The following LRRC8B variants were observed in gnomAD, a reference collection of about 807,000 sequenced individuals.
LRRC8B encodes the protein volume-regulated anion channel subunit LRRC8B.
Under a neutral mutation model 58.8 loss-of-function variants are expected in LRRC8B, and 23 were observed. The observed-to-expected ratio is 0.39, with a 90% CI of 0.28 to 0.55. The LOEUF (loss-of-function observed/expected upper bound fraction) is 0.55. Among genes scored for constraint, LRRC8B ranks in the 20% least tolerant of loss-of-function variants. LRRC8B has a pLI of 0.62. For missense variants in LRRC8B, 694 were observed against 936.0 expected (o/e 0.74, Z 3.37); for synonymous variants, 359 against 374.1 (o/e 0.96, Z 0.47).
At chr1:89,550,628 A>G (rs116352118) in intron 1 of LRRC8B, among the ~76,000 whole-genome samples, 3,198 of 152,324 alleles carry the variant, frequency 0.021, 106 homozygotes, top group African/African-American at 0.073. Context: ...TTCACCAGTT[A>G]GCTCCTTGGT....
chr1:89,591,611 G>A (rs1465924262), intron 5 of LRRC8B, among the ~76,000 whole-genome samples: 1 of 152,132 alleles, frequency 6.6e-6, no homozygotes, highest in Non-Finnish European at 1.5e-5. Context: ...TAGGAGAATG[G>A]AGTTTACAAC....
chr1:89,530,388 T>TAAAC (rs1650038747), intron 1 of LRRC8B, among the ~76,000 whole-genome samples: 1 of 150,594 alleles, frequency 6.6e-6, no homozygotes, highest in Non-Finnish European at 1.5e-5. Context: ...AAATAATAAA[T>TAAAC]AAATAAATAA....
At chr1:89,535,636 C>G (rs1393639621) in intron 1 of LRRC8B, among the ~76,000 whole-genome samples, 1 of 152,140 alleles carries the variant, frequency 6.6e-6, no homozygotes, top group Non-Finnish European at 1.5e-5. Flanking sequence ...AATGTACAAA[C>G]TCACCTAGAA....
chr1:89,587,586 A>G (rs1380550238), intron 5 of LRRC8B, among the ~76,000 whole-genome samples: 1 of 152,208 alleles, frequency 6.6e-6, no homozygotes, highest in Non-Finnish European at 1.5e-5. Context: ...TTAGACATGC[A>G]TATACAAAGA....
At chr1:89,530,473 A>G (rs374370683) in intron 1 of LRRC8B, among the ~76,000 whole-genome samples, 2 of 152,214 alleles carry the variant, frequency 1.3e-5, no homozygotes, top group East Asian at 1.9e-4. Flanking sequence ...TTTGGGCTAT[A>G]TTAGCAAACT....
At position 89,593,215 on chromosome 1, in the gene LRRC8B, A is replaced by G; in HGVS notation, c.*172A>G. 1 of 607,318 alleles carries G rather than the reference A, an allele frequency of 1.6e-6. No individual in the cohort carries two copies. The highest frequency in any genetic ancestry group is 2.8e-6 in the Non-Finnish European group (1 of 352,768). The allele number at this position is 607,318 out of a possible 1,614,324, so 37.6% of individuals were successfully genotyped here. On this transcript the variant is annotated 3_prime_UTR_variant, in exon 6 of 6. Transcript: ENST00000330947. ...CCTGGTGAAACCCCATCTCTGCTAA[A>G]ACTACAAAAAAATTAGCCAGGCGTG...
At chr1:89,541,698 G>C (rs1020091426) in intron 1 of LRRC8B, among the ~76,000 whole-genome samples, 1 of 116,354 alleles carries the variant, frequency 8.6e-6, no homozygotes, top group Non-Finnish European at 1.6e-5. Flanking sequence ...GCGACAGAGG[G>C]AGACTCCGTC....
intron 1 of LRRC8B, among the ~76,000 whole-genome samples, chr1:89,551,320 C>CCA (rs1651792819): frequency 6.6e-6 from 1 of 152,130 alleles, no homozygotes; most frequent in African/African-American, 2.4e-5. Flanking sequence ...TGCTCACCAG[C>CCA]CATGTGTCAT....
chr1:89,538,185 G>T (rs917623080), intron 1 of LRRC8B, among the ~76,000 whole-genome samples: 10 of 152,126 alleles, frequency 6.6e-5, no homozygotes, highest in Admixed American at 1.3e-4. Flanking sequence ...CAGGAGACCA[G>T]TATCACAAGA....
At chr1:89,582,478 A>G in intron 4 of LRRC8B, 147 bp from the exon 5 acceptor site, 1 of 599,590 alleles carries the variant, frequency 1.7e-6, no homozygotes, top group South Asian at 2.0e-5. Flanking sequence ...CAGAAGACTT[A>G]TGTGCCCCTT....
At chr1:89,528,841 G>A (rs916674077) in intron 1 of LRRC8B, among the ~76,000 whole-genome samples, 22 of 152,182 alleles carry the variant, frequency 1.4e-4, no homozygotes, top group African/African-American at 5.1e-4. Context: ...GGAAGGAGGG[G>A]AAAGGCAAGA....
intron 1 of LRRC8B, among the ~76,000 whole-genome samples, chr1:89,532,524 T>C (rs1650218079): frequency 6.6e-6 from 1 of 152,176 alleles, no homozygotes; most frequent in Non-Finnish European, 1.5e-5. Context: ...TTCTTGTGAT[T>C]GTGAGCTAGT....
At position 89,553,790 on chromosome 1, in the gene LRRC8B, T is replaced by G. The variant is rs1226249061; in HGVS notation, c.-240-14457T>G. On this transcript the variant is annotated intron_variant, in intron 1 of 5. Transcript: ENST00000330947. ...TCCATTTATGTTTTATTTCTCAAGG[T>G]ACCTAGATATATACCCTAATATAAA... 2.0e-5 allele frequency among the ~76,000 whole-genome samples: 3 copies of G among 152,332 alleles called. No homozygotes were observed. In the East Asian group the frequency reaches 5.8e-4, roughly 29 times the overall value.
At chr1:89,577,937 T>C (rs1653966653) in intron 3 of LRRC8B, among the ~76,000 whole-genome samples, 1 of 152,166 alleles carries the variant, frequency 6.6e-6, no homozygotes, top group South Asian at 2.1e-4. Flanking sequence ...GCGTAGTTAA[T>C]TGGATTGACT....
intron 1 of LRRC8B, among the ~76,000 whole-genome samples, chr1:89,555,517 G>A (rs895810910): frequency 2.6e-5 from 4 of 152,116 alleles, no homozygotes; most frequent in African/African-American, 7.2e-5. Context: ...AAGCCCTGGG[G>A]TGCATTGATA....
In LRRC8B at chr1:89,584,652, A is replaced by G. The variant is rs1654495655; in HGVS notation, c.2002A>G (p.Ile668Val). 1.9e-6 allele frequency: 3 copies of G among 1,614,050 alleles called. No homozygotes were observed. Among genetic ancestry groups the G allele is most frequent in the Non-Finnish European group, 2.5e-6 (3 of 1,180,018 alleles). The change falls in exon 5 of 6, where the codon ATT becomes GTT. Residue 668 changes from isoleucine to valine, a missense_variant. By Grantham distance (29) the Ile-to-Val change is conservative. Transcript: ENST00000330947. ...LEQLSLDHNN[I>V]ENLPLQLFLC... Reference sequence around the variant, plus strand: ...GCAGCTCTCTTTGGACCATAATAATATTGAGAATCTGCCCTTGCAGCTTTT... The same window carrying G: ...GCAGCTCTCTTTGGACCATAATAATGTTGAGAATCTGCCCTTGCAGCTTTT...
At chr1:89,567,053 A>G (rs1235291324) in intron 1 of LRRC8B, among the ~76,000 whole-genome samples, 1 of 152,148 alleles carries the variant, frequency 6.6e-6, no homozygotes, top group Non-Finnish European at 1.5e-5. Flanking sequence ...TAGTTGTGTA[A>G]CACTCATTAG....
In LRRC8B at chr1:89,584,663, G is replaced by T. The variant is rs1443773438; in HGVS notation, c.2013G>T (p.Leu671=). 2 of 1,613,846 alleles carry T rather than the reference G, an allele frequency of 1.2e-6. No individual in the cohort carries two copies. The highest frequency in any genetic ancestry group is 2.7e-5 in the African/African-American group (2 of 74,914). The change falls in exon 5 of 6, where the codon CTG becomes CTT. Residue 671 remains leucine, a synonymous_variant. Transcript: ENST00000330947. ...LSLDHNNIEN[L]PLQLFLCTKL... ...TGGACCATAATAATATTGAGAATCT[G>T]CCCTTGCAGCTTTTCCTATGCACTA...
chr1:89,585,942 A>G (rs1654595235), intron 5 of LRRC8B, among the ~76,000 whole-genome samples: 1 of 152,228 alleles, frequency 6.6e-6, no homozygotes, highest in Non-Finnish European at 1.5e-5. Flanking sequence ...TATTTTTGAA[A>G]AACATGGGTG....
Sources: gnomAD v4.1 joint callset for allele counts (sites outside exome capture counted in the v4.1 genomes callset) on GRCh38, gnomAD v4.1.1 for gene constraint, MANE v1.5 for transcripts, NCBI Gene and HGNC (gene_info 2026-07-23, HGNC 2026-07-21) for gene names.